The following RAD51B variants were observed in gnomAD, a reference collection of about 807,000 sequenced individuals.
RAD51B encodes the protein RAD51 paralog B, also known as DNA repair protein RAD51 homolog 2.
Under a neutral mutation model 42.2 loss-of-function variants are expected in RAD51B, and 38 were observed. The ratio of observed to expected loss-of-function variants is 0.90; its 90% CI spans 0.70 to 1.18. RAD51B has a LOEUF of 1.18. Ranked by LOEUF, RAD51B falls within the 50% of genes most tolerant of loss-of-function variation. RAD51B has a pLI of 0.00. For missense variants in RAD51B, 373 were observed against 400.7 expected (o/e 0.93, Z 0.59); for synonymous variants, 154 against 145.2 (o/e 1.06, Z -0.43).
intron 7 of RAD51B, among the ~76,000 whole-genome samples, chr14:68,074,547 G>A (rs538151730): frequency 1.1e-4 from 16 of 152,272 alleles, no homozygotes; most frequent in African/African-American, 3.9e-4. Flanking sequence ...CTTCCTTCTG[G>A]TTAGGAACCA....
At chr14:68,410,552 A>G (rs901992875) in intron 8 of RAD51B, among the ~76,000 whole-genome samples, 1 of 152,010 alleles carries the variant, frequency 6.6e-6, no homozygotes, top group African/African-American at 2.4e-5. Context: ...GGTTCAGAGG[A>G]GGCCTTGGGC....
intron 10 of RAD51B, among the ~76,000 whole-genome samples, chr14:68,589,196 T>C (rs2140073848): frequency 6.6e-6 from 1 of 152,300 alleles, no homozygotes; most frequent in South Asian, 2.1e-4. Context: ...GAGTGGAATA[T>C]GGTCAATAAA....
At chr14:68,504,534 G>A (rs914516963) in intron 10 of RAD51B, among the ~76,000 whole-genome samples, 5 of 152,158 alleles carry the variant, frequency 3.3e-5, no homozygotes, top group Admixed American at 3.3e-4. Flanking sequence ...TGTCTGGGCT[G>A]GGCCCATGCA....
chr14:68,095,881 C>T (rs1028058557), intron 7 of RAD51B, among the ~76,000 whole-genome samples: 4 of 144,440 alleles, frequency 2.8e-5, no homozygotes, highest in Non-Finnish European at 4.5e-5. Context: ...GAGGCTGAGG[C>T]AGGAGAATGG....
intron 10 of RAD51B, chr14:68,497,185 C>A: frequency 7.2e-7 from 1 of 1,390,584 alleles, no homozygotes; most frequent in East Asian, 3.3e-5. Flanking sequence ...AAGAAAAATC[C>A]GCTTTTCTGC....
chr14:67,937,920 G>A (rs1370238602), intron 7 of RAD51B, among the ~76,000 whole-genome samples: 1 of 151,852 alleles, frequency 6.6e-6, no homozygotes, highest in Admixed American at 6.6e-5. Flanking sequence ...TTTTGCATTA[G>A]GGGTTTGAAA....
At chr14:68,283,130 T>C (rs2081351138) in intron 7 of RAD51B, among the ~76,000 whole-genome samples, 1 of 152,198 alleles carries the variant, frequency 6.6e-6, no homozygotes, top group South Asian at 2.1e-4. Flanking sequence ...CACAAAGCTG[T>C]GTCTTTCTAA....
chr14:68,427,120 T>A (rs1382692322), intron 9 of RAD51B, among the ~76,000 whole-genome samples: 2 of 152,198 alleles, frequency 1.3e-5, no homozygotes, highest in Non-Finnish European at 2.9e-5. Context: ...AGCCTCCACC[T>A]AGATTTGAAA....
intron 10 of RAD51B, chr14:68,497,865 A>G (rs1884646096): frequency 4.8e-6 from 1 of 207,454 alleles, no homozygotes; most frequent in South Asian, 1.9e-4. Context: ...TGGCTGAATA[A>G]TATTGCATTG....
intron 7 of RAD51B, among the ~76,000 whole-genome samples, chr14:68,205,237 CA>C (rs1454790545): frequency 6.6e-6 from 1 of 152,038 alleles, no homozygotes; most frequent in African/African-American, 2.4e-5. Context: ...AGATGAGTGA[CA>C]GAATGAAAAT....
intron 7 of RAD51B, among the ~76,000 whole-genome samples, chr14:68,133,777 T>C (rs2767366): frequency 0.69 from 104,200 of 152,068 alleles, 38,967 homozygotes; most frequent in East Asian, 0.89. Context: ...TGGCCAAATC[T>C]GAATGATTTT....
At chr14:67,979,170 T>C (rs1240785865) in intron 7 of RAD51B, among the ~76,000 whole-genome samples, 1 of 152,220 alleles carries the variant, frequency 6.6e-6, no homozygotes, top group African/African-American at 2.4e-5. Flanking sequence ...CAGGCCTCAC[T>C]ACTGTTCAAG....
intron 7 of RAD51B, among the ~76,000 whole-genome samples, chr14:67,953,401 A>G (rs2074489616): frequency 6.6e-6 from 1 of 152,160 alleles, no homozygotes; most frequent in Non-Finnish European, 1.5e-5. Context: ...GGTGGGAGAT[A>G]AAATGGCAAG....
chr14:68,359,865 A>G (rs552891449), intron 8 of RAD51B, among the ~76,000 whole-genome samples: 1 of 152,116 alleles, frequency 6.6e-6, no homozygotes, highest in Non-Finnish European at 1.5e-5. Flanking sequence ...CGTTTACTGA[A>G]AGAAGGAGAA....
intron 9 of RAD51B, among the ~76,000 whole-genome samples, chr14:68,427,552 CTTT>C (rs1566877682): frequency 6.6e-6 from 1 of 152,294 alleles, no homozygotes; most frequent in Non-Finnish European, 1.5e-5. Context: ...TTACTCCTTT[CTTT>C]TTTATTTCTC....
chr14:68,553,229 T>A (rs1888666460), intron 10 of RAD51B, among the ~76,000 whole-genome samples: 1 of 152,220 alleles, frequency 6.6e-6, no homozygotes, highest in African/African-American at 2.4e-5. Flanking sequence ...GCTTCCCAGT[T>A]TATGCTGTGA....
At chr14:68,667,546 C>T (rs1265744641) in intron 11 of RAD51B, among the ~76,000 whole-genome samples, 3 of 152,186 alleles carry the variant, frequency 2.0e-5, no homozygotes, top group South Asian at 2.1e-4. Flanking sequence ...TAAAATTAAC[C>T]ATTACATCCA....
chr14:67,885,042 TC>T (rs1237295373), intron 5 of RAD51B, among the ~76,000 whole-genome samples: 1 of 152,148 alleles, frequency 6.6e-6, no homozygotes, highest in Non-Finnish European at 1.5e-5. Context: ...CAGCCTCTCC[TC>T]CCAGTTCCCC....
chr14:67,949,201 T>A (rs1255240148), intron 7 of RAD51B, among the ~76,000 whole-genome samples: 2 of 152,206 alleles, frequency 1.3e-5, no homozygotes, highest in Non-Finnish European at 2.9e-5. Flanking sequence ...ATGAAAGATT[T>A]CTCTGTAGCA....
Sources: gnomAD v4.1 joint callset for allele counts (sites outside exome capture counted in the v4.1 genomes callset) on GRCh38, gnomAD v4.1.1 for gene constraint, MANE v1.5 for transcripts, NCBI Gene and HGNC (gene_info 2026-07-23, HGNC 2026-07-21) for gene names.